PPP2R2B: variants seen among roughly 807,000 people sequenced by gnomAD.
The protein encoded by PPP2R2B is serine/threonine-protein phosphatase 2A 55 kDa regulatory subunit B beta isoform.
PPP2R2B carries 5 observed loss-of-function variants against 46.0 expected under a neutral mutation model. That is an observed-to-expected ratio of 0.11 (90% confidence interval 0.06 to 0.23). The LOEUF (loss-of-function observed/expected upper bound fraction) is 0.23, where lower values mean the gene tolerates loss of function less well. PPP2R2B is among the 10% of genes least tolerant of loss of function. PPP2R2B has a pLI of 1.00. For synonymous variants in PPP2R2B, 215 were observed against 206.7 expected (o/e 1.04, Z -0.34); for missense variants, 367 against 575.0 (o/e 0.64, Z 3.70).
intron 2 of PPP2R2B, among the ~76,000 whole-genome samples, chr5:146,821,881 T>A (rs968981549): frequency 2.0e-5 from 3 of 152,176 alleles, no homozygotes; most frequent in African/African-American, 7.2e-5. Context: ...TTCCCATTTA[T>A]GCAAAGTAAG....
At chr5:146,934,332 C>T (rs1424264915) in intron 1 of PPP2R2B, among the ~76,000 whole-genome samples, 6 of 151,380 alleles carry the variant, frequency 4.0e-5, no homozygotes, top group Non-Finnish European at 8.8e-5. Flanking sequence ...TCCACATCCT[C>T]TCCAGCACCT....
intron 2 of PPP2R2B, among the ~76,000 whole-genome samples, chr5:146,774,645 C>A (rs760359430): frequency 4.0e-5 from 6 of 151,822 alleles, no homozygotes; most frequent in Admixed American, 3.9e-4. Flanking sequence ...GGCAAAACCC[C>A]GTCTCTACTA....
chr5:146,917,052 G>C (rs529967538), intron 1 of PPP2R2B, among the ~76,000 whole-genome samples: 28 of 152,116 alleles, frequency 1.8e-4, no homozygotes, highest in Non-Finnish European at 3.4e-4. Context: ...GAAGGTTATA[G>C]CAATTATTAC....
rs554689712 is a variant in PPP2R2B, at chr5:146,859,162, GTTGA to G, written c.70+18836_70+18839del. On this transcript the variant is annotated intron_variant, in intron 2 of 9. Coordinates refer to ENST00000394411, the MANE Select transcript of PPP2R2B (RefSeq NM_181675.4). Reference sequence around the variant, plus strand: ...AAACTAGGTATGTGATCATAGACAAGTTGATTAACTCCACTGGATCTCAGTTTTC... The same window carrying G: ...AAACTAGGTATGTGATCATAGACAAGTTAACTCCACTGGATCTCAGTTTTC... Among the ~76,000 whole-genome samples, 110 of 152,272 alleles carry G rather than the reference GTTGA, an allele frequency of 7.2e-4. 4 individuals are homozygous for G. The highest frequency in any genetic ancestry group is 1.8e-3 in the Admixed American group (27 of 15,298).
chr5:146,630,322 C>A (rs1774342775), intron 7 of PPP2R2B, among the ~76,000 whole-genome samples: 2 of 152,214 alleles, frequency 1.3e-5, no homozygotes, highest in African/African-American at 4.8e-5. Context: ...TTTCTTACAG[C>A]TTTTTTATCA....
rs911244483 is a variant in PPP2R2B, at chr5:146,589,439, G to GA, written c.*507dup. 144 of 151,836 alleles carry GA rather than the reference G, an allele frequency of 9.5e-4. 1 individual carries two copies. The highest frequency in any genetic ancestry group is 2.5e-3 in the African/African-American group (101 of 40,988). 9.4% of individuals were successfully genotyped at this position (151,836 alleles called of 1,614,324 possible). ...ATTGTTCAAAGGAAAATGGAAAATGGAAAAAAAAATGGTGGAGGGGCAGGA... is the reference window on the plus strand; with the variant it reads ...ATTGTTCAAAGGAAAATGGAAAATGGAAAAAAAAAATGGTGGAGGGGCAGGA... On this transcript the variant is annotated 3_prime_UTR_variant, in exon 10 of 10. Transcript: ENST00000394411.
chr5:146,750,075 T>TA (rs1753460736), intron 2 of PPP2R2B, among the ~76,000 whole-genome samples: 1 of 149,436 alleles, frequency 6.7e-6, no homozygotes, highest in Non-Finnish European at 1.5e-5. Flanking sequence ...TGCAATTTTG[T>TA]AAAAAACAAA....
intron 1 of PPP2R2B, among the ~76,000 whole-genome samples, chr5:147,004,551 C>T (rs981457952): frequency 1.3e-5 from 2 of 152,206 alleles, no homozygotes; most frequent in Non-Finnish European, 2.9e-5. Flanking sequence ...CCCACTTCCT[C>T]AGTTGTAATG....
chr5:146,793,487 A>G lies in PPP2R2B; in HGVS notation c.70+84515T>C, dbSNP rs115127454. ...GTGGATCCAAGTACTAATTCATTTAAGTCACTTATTTAATCCCTATAACCT... is the reference window on the plus strand; with the variant it reads ...GTGGATCCAAGTACTAATTCATTTAGGTCACTTATTTAATCCCTATAACCT... On this transcript the variant is annotated intron_variant, in intron 2 of 9. Transcript: ENST00000394411. 6.7e-3 allele frequency among the ~76,000 whole-genome samples: 1,015 copies of G among 152,334 alleles called. 11 individuals carry two copies. Among genetic ancestry groups the G allele is most frequent in the African/African-American group, 0.023 (950 of 41,576 alleles).
intron 2 of PPP2R2B, among the ~76,000 whole-genome samples, chr5:146,774,146 C>T (rs556618620): frequency 1.3e-5 from 2 of 152,228 alleles, no homozygotes; most frequent in South Asian, 2.1e-4. Flanking sequence ...TGATGAATGA[C>T]TTAACTGCTT....
intron 2 of PPP2R2B, among the ~76,000 whole-genome samples, chr5:147,062,956 AAGGGAGGGAGGGAGGGAGGGAGGGAGGG>A (rs1165879237): frequency 1.3e-5 from 1 of 74,196 alleles, no homozygotes; most frequent in Non-Finnish European, 2.2e-5. Context: ...TAGAATGTAA[AAGGGAGGGAGGGAGGGAGGGAGGGAGGG>A]AGGGAGGGAG....
chr5:146,923,910 G>C (rs1763694356), intron 1 of PPP2R2B, among the ~76,000 whole-genome samples: 1 of 152,148 alleles, frequency 6.6e-6, no homozygotes, highest in African/African-American at 2.4e-5. Flanking sequence ...AGAAATGGTA[G>C]TTTGTTCCTT....
intron 1 of PPP2R2B, among the ~76,000 whole-genome samples, chr5:146,991,281 T>C (rs1314567685): frequency 6.6e-6 from 1 of 152,180 alleles, no homozygotes; most frequent in Non-Finnish European, 1.5e-5. Flanking sequence ...TCCATGTTTA[T>C]TGCAGCACTA....
chr5:146,633,927 CCT>C (rs1295285276), intron 7 of PPP2R2B, among the ~76,000 whole-genome samples: 2 of 152,184 alleles, frequency 1.3e-5, no homozygotes, highest in Admixed American at 1.3e-4. Flanking sequence ...CCAGCACATG[CCT>C]CTCTTTTATA....
At chr5:147,030,226 A>T (rs1031526280) in intron 1 of PPP2R2B, among the ~76,000 whole-genome samples, 6 of 152,228 alleles carry the variant, frequency 3.9e-5, no homozygotes, top group Non-Finnish European at 7.4e-5. Flanking sequence ...TTTATTCCTA[A>T]GTAGTTGATG....
intron 1 of PPP2R2B, among the ~76,000 whole-genome samples, chr5:146,978,853 A>C (rs936994589): frequency 1.3e-5 from 2 of 151,662 alleles, no homozygotes; most frequent in Non-Finnish European, 2.9e-5. Flanking sequence ...GGTTATATGG[A>C]CTCTTTTTTA....
In PPP2R2B at chr5:146,984,228, T is replaced by A. The variant is rs1368081486; in HGVS notation, c.79+71437A>T. On this transcript the variant is annotated intron_variant, in intron 1 of 8. Coordinates refer to the PPP2R2B transcript ENST00000336640. ...TCTTGTTTACTGAGACTTTGTATGC[T>A]CTGACTATCATCTTCTCATTCCTCC... Among the ~76,000 whole-genome samples the A allele has an allele frequency of 5.3e-5, 8 of 152,190 alleles. No homozygotes were observed. In the South Asian group the frequency reaches 1.2e-3, roughly 24 times the overall value.
At chr5:146,742,717 T>C (rs1402061520) in intron 2 of PPP2R2B, among the ~76,000 whole-genome samples, 1 of 152,172 alleles carries the variant, frequency 6.6e-6, no homozygotes, top group African/African-American at 2.4e-5. Flanking sequence ...TATCTCGGAA[T>C]GTGACTTTAT....
intron 1 of PPP2R2B, among the ~76,000 whole-genome samples, chr5:146,993,755 A>G (rs1753805051): frequency 6.6e-6 from 1 of 152,202 alleles, no homozygotes; most frequent in African/African-American, 2.4e-5. Flanking sequence ...TGCTATCATC[A>G]TCATAACTGT....
Sources: allele counts gnomAD v4.1 joint callset (sites outside exome capture counted in the v4.1 genomes callset), GRCh38; gene constraint gnomAD v4.1.1; transcripts MANE v1.5; gene names NCBI Gene and HGNC (gene_info 2026-07-23, HGNC 2026-07-21).